IL19: variants seen among roughly 807,000 people sequenced by gnomAD.
The protein encoded by IL19 is interleukin-19.
IL19 carries 15 observed loss-of-function variants against 19.5 expected under a neutral mutation model. That is an observed-to-expected ratio of 0.77 (90% CI 0.52 to 1.19). The LOEUF (loss-of-function observed/expected upper bound fraction) is 1.19, where lower values mean the gene tolerates loss of function less well. Ranked by LOEUF, IL19 falls within the 50% of genes most tolerant of loss-of-function variation. The pLI is 0.00. For missense variants in IL19, 199 were observed against 213.1 expected (o/e 0.93, Z 0.41); for synonymous variants, 78 against 78.3 (o/e 1.00, Z 0.02).
intron 2 of IL19, 61 bp downstream of exon 2, chr1:206,799,067 C>A (rs530501555): frequency 3.5e-6 from 4 of 1,134,886 alleles, no homozygotes; most frequent in Non-Finnish European, 5.3e-6. Context: ...CCAGAGATAT[C>A]CAGTTTATTT....
chr1:206,782,065 G>GTATATAGTTATATATACATATATA lies in IL19; in HGVS notation c.-149+10988_-149+10989insATATAGTTATATATACATATATAT, dbSNP rs1558606517. Reference sequence around the variant, plus strand: ...TGTATATAGTTATATATACATATATGTGTAAACATTTATCATATTAGAAAG... The same window carrying GTATATAGTTATATATACATATATA: ...TGTATATAGTTATATATACATATATGTATATAGTTATATATACATATATATGTAAACATTTATCATATTAGAAAG... On this transcript the variant is annotated intron_variant, in intron 1 of 6. Coordinates refer to ENST00000659997, the MANE Select transcript of IL19 (RefSeq NM_153758.5). Among the ~76,000 whole-genome samples, 16 of 65,508 alleles carry GTATATAGTTATATATACATATATA rather than the reference G, an allele frequency of 2.4e-4. 3 individuals are homozygous for GTATATAGTTATATATACATATATA. Among genetic ancestry groups the GTATATAGTTATATATACATATATA allele is most frequent in the African/African-American group, 6.8e-4 (13 of 19,238 alleles). 43.0% of individuals were successfully genotyped at this position (65,508 alleles called of 152,430 possible). A position where few individuals can be genotyped will look rare whatever the true frequency, so the allele number is the denominator to read the frequency against.
chr1:206,793,547 G>A (rs896441795), intron 1 of IL19, among the ~76,000 whole-genome samples: 4 of 152,306 alleles, frequency 2.6e-5, no homozygotes, highest in South Asian at 4.1e-4. Context: ...GGTGCTGCTC[G>A]GAGAGTCAAA....
intron 1 of IL19, among the ~76,000 whole-genome samples, chr1:206,785,207 G>A (rs909757042): frequency 6.6e-6 from 1 of 152,212 alleles, no homozygotes; most frequent in Admixed American, 6.5e-5. Flanking sequence ...ATCCTTGAAG[G>A]AGGGTCCATG....
At chr1:206,775,566 A>G (rs1056648690) in intron 1 of IL19, among the ~76,000 whole-genome samples, 18 of 152,234 alleles carry the variant, frequency 1.2e-4, no homozygotes, top group Non-Finnish European at 2.6e-4. Context: ...AATATGTCTC[A>G]TAGTATTTCT....
At chr1:206,817,979 G>T (rs1676204476) in intron 2 of IL19, among the ~76,000 whole-genome samples, 1 of 152,022 alleles carries the variant, frequency 6.6e-6, no homozygotes, top group Non-Finnish European at 1.5e-5. Flanking sequence ...GGCCAGGCTG[G>T]TCTCAAACTC....
intron 2 of IL19, among the ~76,000 whole-genome samples, chr1:206,813,944 C>T (rs747075539): frequency 9.2e-5 from 14 of 152,176 alleles, no homozygotes; most frequent in South Asian, 2.1e-4. Flanking sequence ...TTAGCTCTTG[C>T]GTGACAGTTT....
At chr1:206,773,928 C>A (rs1448857279) in intron 1 of IL19, among the ~76,000 whole-genome samples, 1 of 152,190 alleles carries the variant, frequency 6.6e-6, no homozygotes, top group Non-Finnish European at 1.5e-5. Flanking sequence ...CCCAACAGGG[C>A]AATAGCACCT....
intron 1 of IL19, among the ~76,000 whole-genome samples, chr1:206,781,442 A>G (rs1040094668): frequency 6.6e-6 from 1 of 150,760 alleles, no homozygotes; most frequent in Non-Finnish European, 1.5e-5. Flanking sequence ...AAAAAAAGAA[A>G]AAAAAAGAAA....
In IL19 at chr1:206,773,586, TTGTGTGTGTGTG is replaced by T. The variant is rs2234662; in HGVS notation, c.-149+2542_-149+2553del. 1.4e-3 allele frequency among the ~76,000 whole-genome samples: 181 copies of T among 131,868 alleles called. 1 individual carries two copies. The East Asian group carries it at 0.023, about 17-fold the overall frequency. The allele number at this position is 131,868 out of a possible 152,430, so 86.5% of individuals were successfully genotyped here. ...AAGCCTTAGTAGTGTTGTCTTGGAT[TTGTGTGTGTGTG>T]TGTGTGTGTGTGTGTGTGTGTGTGT... On this transcript the variant is annotated intron_variant, in intron 1 of 6. Coordinates refer to ENST00000659997, the MANE Select transcript of IL19 (RefSeq NM_153758.5).
At chr1:206,803,319 G>A (rs1675764240) in intron 2 of IL19, among the ~76,000 whole-genome samples, 1 of 152,154 alleles carries the variant, frequency 6.6e-6, no homozygotes, top group Admixed American at 6.5e-5. Flanking sequence ...TGACCTGGAG[G>A]CCCTGTGTAG....
intron 2 of IL19, among the ~76,000 whole-genome samples, chr1:206,824,841 C>A (rs924766943): frequency 6.6e-6 from 1 of 152,222 alleles, no homozygotes; most frequent in Non-Finnish European, 1.5e-5. Context: ...CGGCTCACTG[C>A]AACCTCTGCC....
chr1:206,793,323 G>A lies in IL19; in HGVS notation c.-148-5538G>A, dbSNP rs1675447731. Among the ~76,000 whole-genome samples the A allele has an allele frequency of 4.6e-5, 7 of 152,210 alleles. No individual in the cohort carries two copies. In the South Asian group the frequency reaches 1.2e-3, roughly 27 times the overall value. On this transcript the variant is annotated intron_variant, in intron 1 of 6. Coordinates refer to ENST00000659997, the MANE Select transcript of IL19 (RefSeq NM_153758.5). ...GCAGCTGGTGATGGCTGCTTTAGGGGCAGCACGTGAGCTGGGCCCCAGGAG... is the reference window on the plus strand; with the variant it reads ...GCAGCTGGTGATGGCTGCTTTAGGGACAGCACGTGAGCTGGGCCCCAGGAG...
chr1:206,831,015 C>CCA (rs1676592145), intron 2 of IL19, among the ~76,000 whole-genome samples: 1 of 152,144 alleles, frequency 6.6e-6, no homozygotes, highest in Non-Finnish European at 1.5e-5. Context: ...CTGCAATGGG[C>CCA]CACACATTGC....
At chr1:206,831,969 A>T (rs1676621390) in intron 2 of IL19, among the ~76,000 whole-genome samples, 1 of 152,250 alleles carries the variant, frequency 6.6e-6, no homozygotes, top group Admixed American at 6.5e-5. Context: ...CAGCATGGAC[A>T]GTGTTGCAAA....
intron 2 of IL19, among the ~76,000 whole-genome samples, chr1:206,825,799 G>T (rs1307893057): frequency 1.3e-5 from 2 of 152,228 alleles, no homozygotes; most frequent in African/African-American, 2.4e-5. Context: ...CTGCACGATT[G>T]TCCCTGCCTT....
intron 6 of IL19, 113 bp from the exon 7 acceptor site, chr1:206,842,414 A>G: frequency 3.0e-6 from 2 of 664,634 alleles, no homozygotes; most frequent in South Asian, 2.1e-5. Context: ...ATTTCGTGAC[A>G]AAAAAACAAA....
chr1:206,779,820 C>CT (rs561986797), intron 1 of IL19, among the ~76,000 whole-genome samples: 118 of 151,304 alleles, frequency 7.8e-4, no homozygotes, highest in African/African-American at 2.6e-3. Context: ...CTTTCTTCTT[C>CT]TTTTTTTTCA....
intron 2 of IL19, 98 bp downstream of exon 2, chr1:206,799,104 G>T: frequency 1.2e-6 from 1 of 836,536 alleles, no homozygotes; most frequent in South Asian, 1.4e-5. Context: ...TGGGTTTTCA[G>T]ACACCTATGA....
rs7541330 is a variant in IL19 at position 206,828,273 on chromosome 1, G to A, written c.-2-8388G>A. On this transcript the variant is annotated intron_variant, in intron 2 of 6. Transcript: ENST00000659997. ...AGATAACGTCAATGAGCAGACTCAA[G>A]TTGAAGGATTAATGGTCACTAGAGC... Among the ~76,000 whole-genome samples the A allele has an allele frequency of 9.9e-3, 1,506 of 152,324 alleles. 27 individuals are homozygous for A. Among genetic ancestry groups the A allele is most frequent in the African/African-American group, 0.032 (1,329 of 41,568 alleles).
Sources: allele counts gnomAD v4.1 joint callset (sites outside exome capture counted in the v4.1 genomes callset), GRCh38; gene constraint gnomAD v4.1.1; transcripts MANE v1.5; gene names NCBI Gene and HGNC (gene_info 2026-07-23, HGNC 2026-07-21).